FRK: variants seen among roughly 807,000 people sequenced by gnomAD.
The protein encoded by FRK is fyn related Src family tyrosine kinase.
Under a neutral mutation model 56.4 loss-of-function variants are expected in FRK, and 51 were observed. That is an observed-to-expected ratio of 0.90 (90% CI 0.72 to 1.14). FRK has a LOEUF of 1.14. Among genes scored for constraint, FRK ranks in the 50% most tolerant of loss-of-function variants. The pLI is 0.00. For synonymous variants in FRK, 245 were observed against 217.9 expected, an observed-to-expected ratio of 1.12 and a Z score of -1.10; for missense variants, 570 against 601.4, an observed-to-expected ratio of 0.95 and a Z score of 0.55.
intron 2 of FRK, among the ~76,000 whole-genome samples, chr6:115,980,811 C>T (rs1233960604): frequency 6.6e-6 from 1 of 152,060 alleles, no homozygotes. Context: ...TCCTCTTATA[C>T]ATAAGCCAGT....
At chr6:116,092,421 G>T in the FRK span, among the ~76,000 whole-genome samples, 4 of 151,724 alleles carry the variant, frequency 2.6e-5, no homozygotes, top group African/African-American at 7.2e-5. Flanking sequence ...CAGTGGTAAG[G>T]TCCCAATACT....
At chr6:116,015,444 G>A (rs1312415957) in intron 1 of FRK, among the ~76,000 whole-genome samples, 4 of 152,110 alleles carry the variant, frequency 2.6e-5, no homozygotes. Flanking sequence ...CTTTATAGCT[G>A]TGTGAGAACG....
chr6:116,045,953 AC>A (rs1426495339), intron 1 of FRK, among the ~76,000 whole-genome samples: 1 of 151,462 alleles, frequency 6.6e-6, no homozygotes, highest in African/African-American at 2.4e-5. Context: ...CAAGAAAAAA[AC>A]AAACAACCCC....
chr6:115,972,198 C>T (rs1773827920), intron 2 of FRK, among the ~76,000 whole-genome samples: 1 of 152,216 alleles, frequency 6.6e-6, no homozygotes, highest in South Asian at 2.1e-4. Flanking sequence ...AAACCCAAAA[C>T]TCCTCCAGAC....
At position 115,936,339 on chromosome 6, in the gene FRK, AAAAG is replaced by A. The variant is rs1205779559; in HGVS notation, c.*6071_*6074del. 1 of 152,302 alleles carries A rather than the reference AAAAG, an allele frequency of 6.6e-6. No individual in the cohort carries two copies. The highest frequency in any genetic ancestry group is 1.5e-5 in the Non-Finnish European group (1 of 68,094). The allele number at this position is 152,302 out of a possible 1,614,324, so 9.4% of individuals were successfully genotyped here. A position where few individuals can be genotyped will look rare whatever the true frequency, so the allele number is the denominator to read the frequency against. On this transcript the variant is annotated 3_prime_UTR_variant, in exon 8 of 8. Transcript: ENST00000606080. The stretch of plus-strand genomic sequence containing the variant: ...CCGAACATCAGCAGGATCAAAGACC[AAAAG>A]TAGATAAATCCAGGAAGATGAGGAG...
At chr6:116,068,786 T>C in the FRK span, among the ~76,000 whole-genome samples, 2 of 152,144 alleles carry the variant, frequency 1.3e-5, no homozygotes, top group Admixed American at 6.6e-5. Context: ...TCAGTGAATT[T>C]CTTTACTGAT....
At chr6:116,074,298 C>T in the FRK span, among the ~76,000 whole-genome samples, 4 of 152,144 alleles carry the variant, frequency 2.6e-5, no homozygotes, top group African/African-American at 9.7e-5. Context: ...TTGTACATGG[C>T]ATACTGGTTA....
At chr6:116,089,518 A>C in the FRK span, among the ~76,000 whole-genome samples, 1 of 152,228 alleles carries the variant, frequency 6.6e-6, no homozygotes, top group Non-Finnish European at 1.5e-5. Flanking sequence ...TGGAGGCTGG[A>C]AGTCCAAGAT....
At chr6:116,007,254 A>C (rs1436034340) in intron 1 of FRK, among the ~76,000 whole-genome samples, 2 of 152,178 alleles carry the variant, frequency 1.3e-5, no homozygotes, top group African/African-American at 2.4e-5. Context: ...AACACTCTCC[A>C]GTGAGTTATT....
intron 2 of FRK, among the ~76,000 whole-genome samples, chr6:115,995,888 CT>C (rs200563712): frequency 0.017 from 2,649 of 152,236 alleles, 30 homozygotes; most frequent in Non-Finnish European, 0.028. Context: ...GAAAAAGTCA[CT>C]TGCAATTATA....
chr6:116,008,047 C>T (rs1775317692), intron 1 of FRK, among the ~76,000 whole-genome samples: 3 of 152,018 alleles, frequency 2.0e-5, no homozygotes, highest in Admixed American at 2.0e-4. Flanking sequence ...TTAAGTTCTC[C>T]AGAATTATTA....
intron 2 of FRK, among the ~76,000 whole-genome samples, chr6:115,970,084 C>T (rs1328480605): frequency 6.6e-6 from 1 of 151,888 alleles, no homozygotes; most frequent in African/African-American, 2.4e-5. Context: ...AAGAAGACAT[C>T]CCACTTCCCA....
upstream of FRK, among the ~76,000 whole-genome samples, chr6:116,065,007 CT>C (rs1277541977): frequency 6.6e-6 from 1 of 152,144 alleles, no homozygotes; most frequent in East Asian, 1.9e-4. Context: ...AGTAAGTCTA[CT>C]TACTCCTGCC....
chr6:115,970,493 G>C (rs1773763979), intron 2 of FRK, among the ~76,000 whole-genome samples: 1 of 152,146 alleles, frequency 6.6e-6, no homozygotes. Context: ...AATTGAATTA[G>C]CTAAAAAATT....
chr6:115,942,939 T>G, intron 7 of FRK, 81 bp downstream of exon 7: 1 of 1,385,288 alleles, frequency 7.2e-7, no homozygotes, highest in Non-Finnish European at 9.9e-7. Flanking sequence ...CTCTGCCCTC[T>G]AAGTCTGGGC....
chr6:115,958,649 A>AAAGAAAGAAAG (rs1773125888), intron 4 of FRK, among the ~76,000 whole-genome samples: 6 of 3,894 alleles, frequency 1.5e-3, no homozygotes, highest in African/African-American at 4.0e-3. Context: ...GAAAGAAAAG[A>AAAGAAAGAAAG]AAGAAAGAAA....
chr6:116,068,849 T>C, the FRK span, among the ~76,000 whole-genome samples: 1 of 151,966 alleles, frequency 6.6e-6, no homozygotes, highest in Non-Finnish European at 1.5e-5. Context: ...AAAAAAAAAC[T>C]TTTTAAAGCT....
rs1396947022 is a variant in FRK, at chr6:115,933,156, A to G, written c.*9258T>C. 1 of 152,216 alleles carries G rather than the reference A, an allele frequency of 6.6e-6. No individual in the cohort carries two copies. The highest frequency in any genetic ancestry group is 1.5e-5 in the Non-Finnish European group (1 of 68,036). The allele number at this position is 152,216 out of a possible 1,614,324, so 9.4% of individuals were successfully genotyped here. The stretch of plus-strand genomic sequence containing the variant: ...AAAAGAAAAACTTAATGGAACATTG[A>G]ATTTTCTTTATTGCAAATTCTTAGG... On this transcript the variant is annotated 3_prime_UTR_variant, in exon 8 of 8. Coordinates refer to ENST00000606080, the MANE Select transcript of FRK (RefSeq NM_002031.3).
rs548996627 is a variant in FRK at position 115,931,812 on chromosome 6, A to G, written c.*10602T>C. 2.6e-5 allele frequency: 4 copies of G among 152,330 alleles called. No homozygotes were observed. Among genetic ancestry groups the G allele is most frequent in the Non-Finnish European group, 5.9e-5 (4 of 68,010 alleles). 9.4% of individuals were successfully genotyped at this position (152,330 alleles called of 1,614,324 possible). A position where few individuals can be genotyped will look rare whatever the true frequency, so the allele number is the denominator to read the frequency against. On this transcript the variant is annotated 3_prime_UTR_variant, in exon 8 of 8. Coordinates refer to ENST00000606080, the MANE Select transcript of FRK (RefSeq NM_002031.3). Reference sequence around the variant, plus strand: ...AAGCAATATTTAGTTTCTTCCAAACAGGGCAGTTTTAGTTGCTTTTAACCA... The same window carrying G: ...AAGCAATATTTAGTTTCTTCCAAACGGGGCAGTTTTAGTTGCTTTTAACCA...
Sources: allele counts gnomAD v4.1 joint callset (sites outside exome capture counted in the v4.1 genomes callset), GRCh38; gene constraint gnomAD v4.1.1; transcripts MANE v1.5; gene names NCBI Gene and HGNC (gene_info 2026-07-23, HGNC 2026-07-21).